The following FBN2 variants were observed in gnomAD, a reference collection of about 807,000 sequenced individuals.
FBN2 encodes the protein fibrillin 2.
FBN2 carries 105 observed loss-of-function variants against 355.6 expected under a neutral mutation model. The ratio of observed to expected loss-of-function variants is 0.30; its 90% CI spans 0.25 to 0.35. The LOEUF is 0.35. Among genes scored for constraint, FBN2 ranks in the 10% least tolerant of loss-of-function variants. FBN2 has a pLI of 1.00. For synonymous variants in FBN2, 1,350 were observed against 1,301.2 expected (o/e 1.04, Z -0.81); for missense variants, 3,280 against 3,758.7 (o/e 0.87, Z 3.33).
chr5:128,357,384 A>C lies in FBN2; in HGVS notation c.2566T>G (p.Cys856Gly). The C allele has an allele frequency of 6.2e-7, 1 of 1,613,914 alleles. No individual in the cohort carries two copies. The highest frequency in any genetic ancestry group is 8.5e-7 in the Non-Finnish European group (1 of 1,179,796). The change falls in exon 20 of 65, where the codon TGT (cysteine) becomes GGT (glycine). Residue 856 changes from cysteine to glycine, a missense_variant. By Grantham distance (159) the Cys-to-Gly change is radical. Transcript: ENST00000262464. Reference sequence around the variant, plus strand: ...CCATTGACACATGGGTTGCTTTCACATTCATTTATATCTACAATCCAGAAG... The same window carrying C: ...CCATTGACACATGGGTTGCTTTCACCTTCATTTATATCTACAATCCAGAAG... ...ETETCEDINECESNPCVNGAC... is the reference protein window; with the variant it reads ...ETETCEDINEGESNPCVNGAC...
intron 31 of FBN2, 87 bp downstream of exon 31, chr5:128,334,632 A>G: frequency 7.1e-7 from 1 of 1,416,020 alleles, no homozygotes; most frequent in Non-Finnish European, 9.9e-7. Context: ...TAACCGCTCT[A>G]AGAGATGCCA....
At chr5:128,312,996 C>A (rs898857116) in intron 36 of FBN2, among the ~76,000 whole-genome samples, 3 of 152,134 alleles carry the variant, frequency 2.0e-5, no homozygotes, top group Non-Finnish European at 2.9e-5. Flanking sequence ...GGCAGACTTT[C>A]CTATATTTAG....
Position 128,296,575 on chromosome 5 carries a change from T to G in FBN2, c.6166+4242A>C, listed in dbSNP as rs905361728. Among the ~76,000 whole-genome samples the G allele has an allele frequency of 1.1e-3, 166 of 152,166 alleles. 1 individual carries two copies. The highest frequency in any genetic ancestry group is 3.4e-3 in the African/African-American group (139 of 41,486). On this transcript the variant is annotated intron_variant, in intron 48 of 64. Transcript: ENST00000262464. ...CCTGGTTTAGTCTTGGGAGAGTGTA[T>G]GTGTCAAGGAATTTATCCATTTCTT...
intron 7 of FBN2, among the ~76,000 whole-genome samples, chr5:128,439,766 T>C (rs1403195627): frequency 2.0e-5 from 3 of 152,124 alleles, no homozygotes; most frequent in African/African-American, 7.2e-5. Flanking sequence ...AATCTATTTC[T>C]CTATAACTTT....
chr5:128,423,372 G>C (rs1753402712), intron 7 of FBN2, among the ~76,000 whole-genome samples: 1 of 152,114 alleles, frequency 6.6e-6, no homozygotes, highest in Admixed American at 6.6e-5. Context: ...AGAAGACAAA[G>C]GAGGAGCAAA....
In FBN2 at chr5:128,364,593, A is replaced by G; in HGVS notation, c.2428+7T>C. The G allele has an allele frequency of 6.2e-7, 1 of 1,612,852 alleles. No individual in the cohort carries two copies. Among genetic ancestry groups the G allele is most frequent in the Non-Finnish European group, 8.5e-7 (1 of 1,178,984 alleles). On this transcript the variant is annotated splice_region_variant and intron_variant, in intron 18 of 64. Coordinates refer to ENST00000262464, the MANE Select transcript of FBN2 (RefSeq NM_001999.4). ...ATGTTCTTGCATAAATATAACAAAT[A>G]ACTTACCAATACAGTTTCTTCCAGA... is the stretch of plus-strand genomic sequence containing the variant.
At chr5:128,495,835 T>C (rs1457031734) in intron 5 of FBN2, among the ~76,000 whole-genome samples, 1 of 151,968 alleles carries the variant, frequency 6.6e-6, no homozygotes, top group Admixed American at 6.6e-5. Context: ...TTACTGACTT[T>C]ACAGAAATAA....
In FBN2 at chr5:128,285,580, G is replaced by A. The variant is rs189436131; in HGVS notation, c.7012+1138C>T. Among the ~76,000 whole-genome samples the A allele has an allele frequency of 3.1e-3, 465 of 152,254 alleles. 6 individuals are homozygous for A. The highest frequency in any genetic ancestry group is 0.027 in the Admixed American group (412 of 15,280). ...ATGATAGAATTTTAGAGCTAGAGCA[G>A]ATGCACCCTTCCCAACACCCACCCC... On this transcript the variant is annotated intron_variant, in intron 55 of 64. Coordinates refer to ENST00000262464, the MANE Select transcript of FBN2 (RefSeq NM_001999.4).
At chr5:128,349,867 A>G in intron 22 of FBN2, 88 bp downstream of exon 22, 1 of 1,026,122 alleles carries the variant, frequency 9.7e-7, no homozygotes, top group Admixed American at 1.8e-5. Flanking sequence ...TTTGAAAATG[A>G]TAAATATCTC....
intron 7 of FBN2, among the ~76,000 whole-genome samples, chr5:128,436,307 A>G (rs377486733): frequency 1.1e-3 from 172 of 152,322 alleles, no homozygotes; most frequent in Middle Eastern, 6.8e-3. Flanking sequence ...TCCATTTATG[A>G]AACACAGCAT....
chr5:128,528,808 T>C (rs1756635020), intron 3 of FBN2, among the ~76,000 whole-genome samples: 2 of 152,314 alleles, frequency 1.3e-5, no homozygotes, highest in African/African-American at 4.8e-5. Context: ...TTTAAAAAGA[T>C]TACTCTAGCT....
Position 128,464,615 on chromosome 5 carries a change from G to A in FBN2, c.826+109C>T, listed in dbSNP as rs114039652. ...AGGGTTGTTAACGAGGCCACTCTTG[G>A]AAATCAGTATTCTGTTAAAAGCTAC... On this transcript the variant is annotated intron_variant, in intron 6 of 64. Transcript: ENST00000262464. The A allele has an allele frequency of 1.9e-4, 237 of 1,219,574 alleles. No individual in the cohort carries two copies. The African/African-American group carries it at 3.0e-3, about 15-fold the overall frequency. The allele number at this position is 1,219,574 out of a possible 1,614,324, so 75.5% of individuals were successfully genotyped here.
chr5:128,483,734 T>G (rs1755258400), intron 5 of FBN2, among the ~76,000 whole-genome samples: 1 of 150,268 alleles, frequency 6.7e-6, no homozygotes, highest in African/African-American at 2.5e-5. Flanking sequence ...CAATCAGGGG[T>G]GGGGGGTGGC....
At chr5:128,334,013 T>C (rs1440745295) in intron 31 of FBN2, among the ~76,000 whole-genome samples, 1 of 151,912 alleles carries the variant, frequency 6.6e-6, no homozygotes, top group Non-Finnish European at 1.5e-5. Context: ...TGAAAAAATA[T>C]CACACATAAG....
intron 24 of FBN2, among the ~76,000 whole-genome samples, chr5:128,344,924 C>T (rs1282019205): frequency 6.6e-6 from 1 of 152,114 alleles, no homozygotes; most frequent in Admixed American, 6.5e-5. Context: ...TGGTCTTGAA[C>T]TCCTGACCTC....
intron 8 of FBN2, among the ~76,000 whole-genome samples, chr5:128,399,128 A>G (rs1752727057): frequency 6.6e-6 from 1 of 152,220 alleles, no homozygotes; most frequent in African/African-American, 2.4e-5. Context: ...AGAACTTTCT[A>G]GCAATGTTGT....
intron 10 of FBN2, among the ~76,000 whole-genome samples, 186 bp from the exon 11 acceptor site, chr5:128,392,341 G>C (rs1049120587): frequency 2.0e-5 from 3 of 152,170 alleles, no homozygotes; most frequent in African/African-American, 7.2e-5. Flanking sequence ...GTTGCAACTT[G>C]TATCTGTTAA....
At chr5:128,353,315 C>A (rs1751418159) in intron 20 of FBN2, among the ~76,000 whole-genome samples, 2 of 152,112 alleles carry the variant, frequency 1.3e-5, no homozygotes, top group South Asian at 4.1e-4. Context: ...CAAGAAGTTA[C>A]CAACAACCCA....
intron 48 of FBN2, among the ~76,000 whole-genome samples, chr5:128,295,856 A>G (rs1749492217): frequency 7.1e-6 from 1 of 139,902 alleles, no homozygotes; most frequent in Admixed American, 7.3e-5. Flanking sequence ...TGCCCTGGCC[A>G]GAACTTCCAA....
Sources: allele counts gnomAD v4.1 joint callset (sites outside exome capture counted in the v4.1 genomes callset), GRCh38; gene constraint gnomAD v4.1.1; transcripts MANE v1.5; gene names NCBI Gene and HGNC (gene_info 2026-07-23, HGNC 2026-07-21).